Variants in SIDT1 observed in about 807,000 individuals in gnomAD.
SIDT1 encodes SID1 transmembrane family, member 1.
Under a neutral mutation model 107.5 loss-of-function variants are expected in SIDT1, and 101 were observed. The observed-to-expected ratio is 0.94, with a 90% CI of 0.80 to 1.11. SIDT1 has a LOEUF of 1.11. Ranked by LOEUF, SIDT1 falls within the 50% of genes least tolerant of loss-of-function variation. SIDT1 has a pLI of 0.00. For synonymous variants in SIDT1, 395 were observed against 398.2 expected, an observed-to-expected ratio of 0.99 and a Z score of 0.10; for missense variants, 1,076 against 1,058.2, an observed-to-expected ratio of 1.02 and a Z score of -0.23.
intron 23 of SIDT1, 145 bp downstream of exon 23, chr3:113,623,878 A>G (rs557911567): frequency 1.6e-6 from 1 of 629,122 alleles, no homozygotes; most frequent in South Asian, 1.9e-5. Flanking sequence ...AGCCGCACAC[A>G]AATGCACAAT....
rs371921691 is a variant in SIDT1 at position 113,607,000 on chromosome 3, G to A, written c.1405-41G>A. 3.0e-6 allele frequency: 4 copies of A among 1,334,550 alleles called. No homozygotes were observed. In the African/African-American group the frequency reaches 4.3e-5, roughly 14 times the overall value. 82.7% of individuals were successfully genotyped at this position (1,334,550 alleles called of 1,614,324 possible). A position where few individuals can be genotyped will look rare whatever the true frequency, so the allele number is the denominator to read the frequency against. On this transcript the variant is annotated intron_variant, in intron 14 of 24. Coordinates refer to ENST00000264852, the MANE Select transcript of SIDT1 (RefSeq NM_017699.3). ...TGTTCCTGCTGGGGCTCAGAGGACGGAGGAAAACCACATTTCCTCTTCTCA... is the reference window on the plus strand; with the variant it reads ...TGTTCCTGCTGGGGCTCAGAGGACGAAGGAAAACCACATTTCCTCTTCTCA...
At chr3:113,631,047 T>C (rs1209828404), downstream of SIDT1, among the ~76,000 whole-genome samples, 5 of 151,948 alleles carry the variant, frequency 3.3e-5, no homozygotes, top group Admixed American at 6.6e-5. Flanking sequence ...GCTGCATTTC[T>C]CTGACTCTGG....
chr3:113,621,463 C>T (rs998736705), intron 21 of SIDT1, among the ~76,000 whole-genome samples: 3 of 150,896 alleles, frequency 2.0e-5, no homozygotes, highest in Non-Finnish European at 4.4e-5. Flanking sequence ...AAAAAAAGAA[C>T]GAAGTCAGTT....
chr3:113,595,876 C>T (rs527321017), intron 10 of SIDT1, among the ~76,000 whole-genome samples: 1 of 152,160 alleles, frequency 6.6e-6, no homozygotes, highest in African/African-American at 2.4e-5. Context: ...AAGACAAGCA[C>T]TGCCCAAGGG....
chr3:113,615,910 T>C (rs1946069000), intron 19 of SIDT1, 190 bp from the exon 20 acceptor site: 2 of 617,294 alleles, frequency 3.2e-6, no homozygotes, highest in Admixed American at 2.6e-5. Context: ...TGCACAGATA[T>C]GGCATCCCTC....
intron 19 of SIDT1, among the ~76,000 whole-genome samples, chr3:113,612,938 T>G (rs528136350): frequency 1.3e-5 from 2 of 152,180 alleles, no homozygotes; most frequent in Non-Finnish European, 1.5e-5. Flanking sequence ...AAAGCCTGCA[T>G]AGCTTATGTG....
At chr3:113,592,515 A>G (rs1944233901) in intron 9 of SIDT1, among the ~76,000 whole-genome samples, 1 of 152,200 alleles carries the variant, frequency 6.6e-6, no homozygotes, top group Admixed American at 6.5e-5. Flanking sequence ...CATTCCCACC[A>G]ACAATGTATG....
chr3:113,561,625 G>A (rs954461948), intron 1 of SIDT1, among the ~76,000 whole-genome samples: 1 of 152,170 alleles, frequency 6.6e-6, no homozygotes, highest in Non-Finnish European at 1.5e-5. Context: ...TCCATTAGAT[G>A]GTTTCTTTGG....
At chr3:113,566,308 G>A in intron 1 of SIDT1, 112 bp from the exon 2 acceptor site, 1 of 1,075,788 alleles carries the variant, frequency 9.3e-7, no homozygotes. Flanking sequence ...AGCCTCACAT[G>A]GCAACTATGG....
chr3:113,548,959 C>T (rs1266811665), intron 1 of SIDT1, among the ~76,000 whole-genome samples: 9 of 152,122 alleles, frequency 5.9e-5, no homozygotes, highest in Admixed American at 5.9e-4. Context: ...AATTTTCAGG[C>T]CCAGCCAGGA....
intron 23 of SIDT1, among the ~76,000 whole-genome samples, chr3:113,625,467 C>A (rs1056464365): frequency 2.0e-5 from 3 of 152,102 alleles, no homozygotes; most frequent in African/African-American, 2.4e-5. Flanking sequence ...TTTTGAGGAA[C>A]TTCCAAACTG....
chr3:113,552,209 G>A (rs7620964), intron 1 of SIDT1, among the ~76,000 whole-genome samples: 3 of 151,682 alleles, frequency 2.0e-5, no homozygotes, highest in African/African-American at 7.3e-5. Flanking sequence ...CTGTATTTGC[G>A]CTCCCTTTCT....
chr3:113,535,314 A>C (rs1938011701), intron 1 of SIDT1, among the ~76,000 whole-genome samples: 1 of 152,216 alleles, frequency 6.6e-6, no homozygotes, highest in Admixed American at 6.5e-5. Flanking sequence ...GGCTTATAAA[A>C]AACATTTAGT....
chr3:113,608,533 T>C lies in SIDT1; in HGVS notation c.1717T>C (p.Phe573Leu), dbSNP rs1311459836. The stretch of plus-strand genomic sequence containing the variant: ...CTGCCCTAATTATTCCAACTTCCAA[T>C]TCGGTAATTAGAACTTATATCTACT... ...HVCPNYSNFQ[F>L]DTSFMYMIAG... The change falls in exon 17 of 25, where the codon TTC becomes CTC. Residue 573 changes from phenylalanine (F) to leucine (L), a missense_variant. Phe to Leu is a conservative substitution (Grantham distance 22). Transcript: ENST00000264852. 13 of 1,598,748 alleles carry C rather than the reference T, an allele frequency of 8.1e-6. 1 individual carries two copies. Among genetic ancestry groups the C allele is most frequent in the Admixed American group, 5.0e-5 (3 of 59,980 alleles).
intron 13 of SIDT1, 89 bp from the exon 14 acceptor site, chr3:113,604,820 AT>A: frequency 6.9e-7 from 1 of 1,451,380 alleles, no homozygotes. Flanking sequence ...TTATGGACTT[AT>A]GGGGTGGAAG....
At chr3:113,546,714 C>T (rs1243566648) in intron 1 of SIDT1, among the ~76,000 whole-genome samples, 2 of 152,154 alleles carry the variant, frequency 1.3e-5, no homozygotes, top group African/African-American at 2.4e-5. Flanking sequence ...TTCTTTCTCT[C>T]TGTGGACTTG....
chr3:113,585,574 G>T (rs1477237389), intron 9 of SIDT1, among the ~76,000 whole-genome samples: 1 of 152,056 alleles, frequency 6.6e-6, no homozygotes. Context: ...CAACAAAAAG[G>T]CAACATGTAT....
intron 1 of SIDT1, among the ~76,000 whole-genome samples, chr3:113,536,426 A>G (rs1938173904): frequency 2.6e-5 from 4 of 152,172 alleles, no homozygotes; most frequent in Admixed American, 2.6e-4. Context: ...CAGTGCAACA[A>G]AGAATTTGGT....
Position 113,623,535 on chromosome 3 carries a change from A to G in SIDT1, c.2196+3A>G. On this transcript the variant is annotated splice_donor_region_variant and intron_variant, in intron 22 of 24. Coordinates refer to ENST00000264852, the MANE Select transcript of SIDT1 (RefSeq NM_017699.3). The stretch of plus-strand genomic sequence containing the variant: ...TGGCCTTTTACATCATCATGAAGGT[A>G]AGAGCGGGTGCCGGGAGCGGCTACC... 6.2e-7 allele frequency: 1 copy of G among 1,612,058 alleles called. No individual in the cohort carries two copies. Among genetic ancestry groups the G allele is most frequent in the Non-Finnish European group, 8.5e-7 (1 of 1,178,164 alleles).
Sources: allele counts gnomAD v4.1 joint callset (sites outside exome capture counted in the v4.1 genomes callset), GRCh38; gene constraint gnomAD v4.1.1; transcripts MANE v1.5; gene names NCBI Gene and HGNC (gene_info 2026-07-23, HGNC 2026-07-21).